ERBB4: variants seen among roughly 807,000 people sequenced by gnomAD.
The protein encoded by ERBB4 is receptor tyrosine-protein kinase erbB-4.
Under a neutral mutation model 158.0 loss-of-function variants are expected in ERBB4, and 42 were observed. That is an observed-to-expected ratio of 0.27 (90% CI 0.21 to 0.34). ERBB4 has a LOEUF of 0.34. ERBB4 is among the 10% of genes least tolerant of loss of function. ERBB4 has a pLI of 1.00. For synonymous variants in ERBB4, 583 were observed against 558.7 expected (o/e 1.04, Z -0.61); for missense variants, 1,333 against 1,624.1 (o/e 0.82, Z 3.08).
At chr2:212,031,568 C>T (rs902850925) in intron 2 of ERBB4, among the ~76,000 whole-genome samples, 8 of 152,162 alleles carry the variant, frequency 5.3e-5, no homozygotes, top group Admixed American at 2.6e-4. Flanking sequence ...AACAATCACA[C>T]TACGTGATTC....
At chr2:212,441,195 CCTT>C (rs144674098) in intron 1 of ERBB4, among the ~76,000 whole-genome samples, 15,971 of 152,132 alleles carry the variant, frequency 0.1, 1,109 homozygotes, top group Non-Finnish European at 0.16. Context: ...CTCTGATGAA[CCTT>C]TTTTGTCAAA....
At chr2:211,641,847 T>A (rs1182788081) in intron 16 of ERBB4, among the ~76,000 whole-genome samples, 2 of 152,088 alleles carry the variant, frequency 1.3e-5, no homozygotes, top group African/African-American at 2.4e-5. Flanking sequence ...CAAACTTGAT[T>A]TAGGTATTTA....
intron 1 of ERBB4, among the ~76,000 whole-genome samples, chr2:212,236,908 A>T (rs1338763126): frequency 6.6e-6 from 1 of 152,034 alleles, no homozygotes; most frequent in Admixed American, 6.6e-5. Context: ...TAACCTTTTC[A>T]AAAAATCACC....
chr2:212,531,262 G>A (rs74897819), intron 1 of ERBB4, among the ~76,000 whole-genome samples: 33 of 152,084 alleles, frequency 2.2e-4, no homozygotes, highest in African/African-American at 7.0e-4. Flanking sequence ...TGCCCAAGAC[G>A]GCTGAGGCAC....
chr2:212,176,065 T>C (rs529951977), intron 1 of ERBB4, among the ~76,000 whole-genome samples: 1 of 152,042 alleles, frequency 6.6e-6, no homozygotes, highest in Non-Finnish European at 1.5e-5. Context: ...TGCAATAGTT[T>C]CCAGTTTTAC....
chr2:212,290,462 G>A (rs2086163722), intron 1 of ERBB4, among the ~76,000 whole-genome samples: 1 of 152,172 alleles, frequency 6.6e-6, no homozygotes, highest in Admixed American at 6.5e-5. Flanking sequence ...TCAGACTTCA[G>A]TGGAAGGAAG....
At chr2:211,709,266 TATATATATACATAC>T (rs1220255080) in intron 9 of ERBB4, among the ~76,000 whole-genome samples, 1 of 143,972 alleles carries the variant, frequency 6.9e-6, no homozygotes, top group South Asian at 2.1e-4. Flanking sequence ...TATATATATA[TATATATATACATAC>T]ATATATATAT....
chr2:211,909,736 G>C (rs1440323823), intron 3 of ERBB4, among the ~76,000 whole-genome samples: 1 of 151,694 alleles, frequency 6.6e-6, no homozygotes, highest in East Asian at 2.0e-4. Flanking sequence ...GCACATGACT[G>C]TATGTGTGTT....
In ERBB4 at chr2:211,586,994, TTGGGTTATG is replaced by T. The variant is rs1187305751; in HGVS notation, c.2302-24915_2302-24907del. 2.0e-5 allele frequency among the ~76,000 whole-genome samples: 3 copies of T among 152,266 alleles called. No individual in the cohort carries two copies. The East Asian group carries it at 5.8e-4, about 29-fold the overall frequency. On this transcript the variant is annotated intron_variant, in intron 19 of 27. Coordinates refer to ENST00000342788, the MANE Select transcript of ERBB4 (RefSeq NM_005235.3). ...AATATAGATGCTCCTCAACTTATGATTGGGTTATGTGCCAATAAACCTATTGTAAAATCA... is the reference window on the plus strand; with the variant it reads ...AATATAGATGCTCCTCAACTTATGATTGCCAATAAACCTATTGTAAAATCA...
At chr2:212,223,162 A>G in intron 1 of ERBB4, among the ~76,000 whole-genome samples, 1 of 151,470 alleles carries the variant, frequency 6.6e-6, no homozygotes, top group South Asian at 2.1e-4. Context: ...TTAACTAGAC[A>G]TACTGTATTT....
intron 1 of ERBB4, among the ~76,000 whole-genome samples, chr2:212,529,760 G>A (rs1348890091): frequency 2.6e-5 from 4 of 152,172 alleles, no homozygotes; most frequent in Non-Finnish European, 5.9e-5. Context: ...CCAGATAAGT[G>A]ATATTGATAA....
chr2:212,530,278 A>C (rs1692682199), intron 1 of ERBB4, among the ~76,000 whole-genome samples: 3 of 152,188 alleles, frequency 2.0e-5, no homozygotes, highest in Admixed American at 2.0e-4. Context: ...TTTAAAACAA[A>C]CTTATTTAAC....
In ERBB4 at chr2:211,888,685, GGTGCGCGCACC is replaced by G. The variant is rs1174052203; in HGVS notation, c.421+58734_421+58744del. Among the ~76,000 whole-genome samples the G allele has an allele frequency of 1.5e-3, 232 of 152,124 alleles. 2 individuals carry two copies. Among genetic ancestry groups the G allele is most frequent in the African/African-American group, 5.5e-3 (227 of 41,496 alleles). On this transcript the variant is annotated intron_variant, in intron 3 of 27. Coordinates refer to ENST00000342788, the MANE Select transcript of ERBB4 (RefSeq NM_005235.3). The stretch of plus-strand genomic sequence containing the variant: ...GCCAGACAGTGGGCGCAGGCCAGTG[GGTGCGCGCACC>G]GTGCGCGAGCCGAAGCAGGGCGAGG...
intron 1 of ERBB4, among the ~76,000 whole-genome samples, chr2:212,224,297 G>A (rs566799691): frequency 4.1e-4 from 62 of 151,900 alleles, no homozygotes; most frequent in African/African-American, 1.0e-3. Context: ...CAAAGTCAGC[G>A]TACTGTGACT....
At chr2:211,936,979 G>C (rs1431729990) in intron 3 of ERBB4, among the ~76,000 whole-genome samples, 2 of 152,104 alleles carry the variant, frequency 1.3e-5, no homozygotes, top group Non-Finnish European at 2.9e-5. Context: ...ACAGTACACA[G>C]TTTCACCATT....
chr2:211,607,751 A>G (rs2069038686), intron 19 of ERBB4, among the ~76,000 whole-genome samples: 1 of 152,162 alleles, frequency 6.6e-6, no homozygotes, highest in African/African-American at 2.4e-5. Flanking sequence ...TACATAGAAT[A>G]CTATGATTGT....
At position 212,468,130 on chromosome 2, in the gene ERBB4, A is replaced by C. The variant is rs543320341; in HGVS notation, c.82+70319T>G. Among the ~76,000 whole-genome samples the C allele has an allele frequency of 3.9e-5, 6 of 152,172 alleles. No homozygotes were observed. In the South Asian group the frequency reaches 6.2e-4, roughly 16 times the overall value. On this transcript the variant is annotated intron_variant, in intron 1 of 27. Coordinates refer to ENST00000342788, the MANE Select transcript of ERBB4 (RefSeq NM_005235.3). The stretch of plus-strand genomic sequence containing the variant: ...CTAGGAAGTGACTAACTTGCTTTTG[A>C]TTTTACAGGCTCATAGGCAGAAGGT...
chr2:212,261,383 G>C lies in ERBB4; in HGVS notation c.83-136480C>G, dbSNP rs563949071. ...TCTTAGGTAGGACTGAGTAAAGTTTGAACAGAAAGATAAGGATAAAAAAGT... is the reference window on the plus strand; with the variant it reads ...TCTTAGGTAGGACTGAGTAAAGTTTCAACAGAAAGATAAGGATAAAAAAGT... On this transcript the variant is annotated intron_variant, in intron 1 of 27. Coordinates refer to ENST00000342788, the MANE Select transcript of ERBB4 (RefSeq NM_005235.3). Among the ~76,000 whole-genome samples, 10 of 152,190 alleles carry C rather than the reference G, an allele frequency of 6.6e-5. No individual in the cohort carries two copies. The South Asian group carries it at 1.9e-3, about 28-fold the overall frequency.
intron 1 of ERBB4, among the ~76,000 whole-genome samples, chr2:212,253,894 A>G (rs999259518): frequency 1.3e-5 from 2 of 152,140 alleles, no homozygotes; most frequent in African/African-American, 4.8e-5. Flanking sequence ...GGTATAACCT[A>G]TCACTCCTAG....
Sources: gnomAD v4.1 joint callset for allele counts (sites outside exome capture counted in the v4.1 genomes callset) on GRCh38, gnomAD v4.1.1 for gene constraint, MANE v1.5 for transcripts, NCBI Gene and HGNC (gene_info 2026-07-23, HGNC 2026-07-21) for gene names.